The following ZNF362 variants were observed in gnomAD, a reference collection of about 807,000 sequenced individuals.
The protein encoded by ZNF362 is rotund homolog.
ZNF362 carries 11 observed loss-of-function variants against 42.9 expected under a neutral mutation model. The ratio of observed to expected loss-of-function variants is 0.26; its 90% CI spans 0.16 to 0.42. The LOEUF (loss-of-function observed/expected upper bound fraction) is 0.42. ZNF362 is among the 20% of genes least tolerant of loss of function. The probability of loss-of-function intolerance (pLI) is 1.00; values close to 1 mark genes in which losing one functional copy is unlikely to be tolerated. For synonymous variants in ZNF362, 255 were observed against 257.3 expected (o/e 0.99, Z 0.09); for missense variants, 362 against 576.2 (o/e 0.63, Z 3.81).
chr1:33,237,360 G>C, the ZNF362 span, among the ~76,000 whole-genome samples: 4 of 152,230 alleles, frequency 2.6e-5, no homozygotes, highest in South Asian at 4.2e-4. Context: ...AGAAGGACAG[G>C]CTTGATTGCA....
At chr1:33,255,468 A>G (rs1372320061), upstream of ZNF362, among the ~76,000 whole-genome samples, 1 of 42,380 alleles carries the variant, frequency 2.4e-5, no homozygotes. Context: ...TAAGCCGGTG[A>G]AGGGATCCTG....
chr1:33,176,753 A>G, the ZNF362 span, among the ~76,000 whole-genome samples: 1 of 152,196 alleles, frequency 6.6e-6, no homozygotes, highest in Non-Finnish European at 1.5e-5. Flanking sequence ...TGGCCCTGCC[A>G]TTTACCAGCT....
intron 1 of ZNF362, among the ~76,000 whole-genome samples, chr1:33,258,857 A>T (rs958510159): frequency 6.6e-6 from 1 of 152,184 alleles, no homozygotes; most frequent in East Asian, 1.9e-4. Context: ...GGGATTATGA[A>T]CCTCATTATA....
At chr1:33,226,256 G>A in the ZNF362 span, among the ~76,000 whole-genome samples, 4 of 152,152 alleles carry the variant, frequency 2.6e-5, no homozygotes, top group Admixed American at 2.0e-4. Flanking sequence ...TTTTGCAGAT[G>A]AGCTCAGAAA....
chr1:33,236,550 A>AAAAAAAATATATATATATATATATATAT, the ZNF362 span, among the ~76,000 whole-genome samples: 6 of 5,976 alleles, frequency 1.0e-3, no homozygotes, highest in African/African-American at 1.6e-3. Context: ...AAAAAAAAAA[A>AAAAAAAATATATATATATATATATATAT]ATATATATAT....
chr1:33,169,181 TTACA>T, the ZNF362 span, among the ~76,000 whole-genome samples: 1 of 152,120 alleles, frequency 6.6e-6, no homozygotes, highest in Middle Eastern at 3.2e-3. Flanking sequence ...ACACAGACAC[TTACA>T]TCATGGGGAA....
the ZNF362 span, among the ~76,000 whole-genome samples, chr1:33,194,524 C>A: frequency 8.9e-6 from 1 of 112,612 alleles, no homozygotes; most frequent in East Asian, 2.6e-4. Flanking sequence ...GAGTGTGTGA[C>A]CCTGTCTCAA....
In ZNF362 at chr1:33,256,604, GC is replaced by G. The variant is rs1645792893; in HGVS notation, c.-137del. ...GCCCCAGCCCGGCCCTGCTCGGGCC[GC>G]CGGGCGCGGGGCTGCGGCCGCGTCC... On this transcript the variant is annotated 5_prime_UTR_variant, in exon 1 of 9. Transcript: ENST00000539719. 1 of 146,562 alleles carries G rather than the reference GC, an allele frequency of 6.8e-6. No homozygotes were observed. The allele number at this position is 146,562 out of a possible 1,614,324, so 9.1% of individuals were successfully genotyped here.
the ZNF362 span, among the ~76,000 whole-genome samples, chr1:33,251,426 C>G: frequency 1.3e-5 from 2 of 152,202 alleles, no homozygotes; most frequent in Non-Finnish European, 2.9e-5. Flanking sequence ...CACCTTTCAC[C>G]TGTAGGACTC....
chr1:33,209,280 G>A, the ZNF362 span, among the ~76,000 whole-genome samples: 4 of 152,144 alleles, frequency 2.6e-5, no homozygotes, highest in South Asian at 2.1e-4. Flanking sequence ...TGACTTGATC[G>A]TGGTGGATAA....
At chr1:33,188,394 C>T in the ZNF362 span, among the ~76,000 whole-genome samples, 128 of 152,306 alleles carry the variant, frequency 8.4e-4, no homozygotes, top group Non-Finnish European at 1.0e-3. Flanking sequence ...TGGTCATGTG[C>T]TCACTTTCTC....
chr1:33,299,344 T>TTG lies in ZNF362; in HGVS notation c.*299_*300insGT, dbSNP rs1206120023. On this transcript the variant is annotated 3_prime_UTR_variant, in exon 9 of 9. Transcript: ENST00000539719. The stretch of plus-strand genomic sequence containing the variant: ...TTCACTTGCTTCACTGTTTTTTTTT[T>TTG]TTTCGTTTTTTTTTTTTAAGTTTGT... 1 of 256,686 alleles carries TTG rather than the reference T, an allele frequency of 3.9e-6. No homozygotes were observed. The highest frequency in any genetic ancestry group is 2.3e-5 in the African/African-American group (1 of 44,442). The allele number at this position is 256,686 out of a possible 1,614,324, so 15.9% of individuals were successfully genotyped here.
In ZNF362 at chr1:33,270,522, G is replaced by T. The variant is rs1260910464; in HGVS notation, c.-53G>T. ...GAACACAGAGGAAGTGACTGGCTGG[G>T]GGTTCAGGGAAAGCTCCGTAGAAGA... is the stretch of plus-strand genomic sequence containing the variant. On this transcript the variant is annotated 5_prime_UTR_variant, in exon 2 of 9. Transcript: ENST00000539719. The T allele has an allele frequency of 3.2e-5, 35 of 1,096,766 alleles. No individual in the cohort carries two copies. Among genetic ancestry groups the T allele is most frequent in the Non-Finnish European group, 4.9e-5 (35 of 715,374 alleles). 67.9% of individuals were successfully genotyped at this position (1,096,766 alleles called of 1,614,324 possible). A position where few individuals can be genotyped will look rare whatever the true frequency, so the allele number is the denominator to read the frequency against.
the ZNF362 span, among the ~76,000 whole-genome samples, chr1:33,159,309 C>T: frequency 6.6e-6 from 1 of 151,942 alleles, no homozygotes; most frequent in Non-Finnish European, 1.5e-5. The surrounding 1 kb of genome is among the most constrained non-coding windows in gnomAD (Gnocchi z 4.2). Flanking sequence ...ATTGTAAACA[C>T]TATTAAATGC....
At chr1:33,162,056 C>T in the ZNF362 span, among the ~76,000 whole-genome samples, 1,669 of 152,266 alleles carry the variant, frequency 0.011, 36 homozygotes, top group African/African-American at 0.038. Flanking sequence ...CTCTGGGGTC[C>T]CACAGGTCTT....
chr1:33,190,084 C>T, the ZNF362 span, among the ~76,000 whole-genome samples: 1 of 152,138 alleles, frequency 6.6e-6, no homozygotes, highest in African/African-American at 2.4e-5. Flanking sequence ...TGTACAGTTA[C>T]TGTGGTACTG....
At chr1:33,234,197 T>C in the ZNF362 span, among the ~76,000 whole-genome samples, 1 of 152,164 alleles carries the variant, frequency 6.6e-6, no homozygotes, top group Non-Finnish European at 1.5e-5. Flanking sequence ...TCAGAGAAAC[T>C]TGGGCTCCAA....
At chr1:33,237,858 G>A in the ZNF362 span, among the ~76,000 whole-genome samples, 1 of 152,156 alleles carries the variant, frequency 6.6e-6, no homozygotes, top group African/African-American at 2.4e-5. Flanking sequence ...TGTTAAAGAC[G>A]CTGGAACCAC....
At chr1:33,248,716 C>A in the ZNF362 span, among the ~76,000 whole-genome samples, 3 of 152,316 alleles carry the variant, frequency 2.0e-5, no homozygotes, top group South Asian at 6.2e-4. Context: ...CCAAGCCAGG[C>A]AACCCTGTGC....
Sources: gnomAD v4.1 joint callset for allele counts (sites outside exome capture counted in the v4.1 genomes callset) on GRCh38, gnomAD v4.1.1 for gene constraint, Gnocchi (gnomAD v3.1) non-coding constraint, MANE v1.5 for transcripts, NCBI Gene and HGNC (gene_info 2026-07-23, HGNC 2026-07-21) for gene names.